The following FBXL17 variants were observed in gnomAD, a reference collection of about 807,000 sequenced individuals.
FBXL17 encodes the protein F-box/LRR-repeat protein 17.
A neutral mutation model predicts 66.2 loss-of-function variants in FBXL17; 22 were observed. The observed-to-expected ratio is 0.33, with a 90% CI of 0.24 to 0.47. The LOEUF is 0.47. Among genes scored for constraint, FBXL17 ranks in the 20% least tolerant of loss-of-function variants. The pLI, the probability that FBXL17 is intolerant of heterozygous loss-of-function variation, is 1.00. For synonymous variants in FBXL17, 474 were observed against 400.5 expected (o/e 1.18, Z -2.19); for missense variants, 878 against 948.2 (o/e 0.93, Z 0.97).
chr5:108,247,705 T>C (rs1461659630), intron 4 of FBXL17, among the ~76,000 whole-genome samples: 1 of 152,204 alleles, frequency 6.6e-6, no homozygotes, highest in Non-Finnish European at 1.5e-5. Context: ...TTTTTACTCA[T>C]AGCATTTAAA....
At chr5:108,195,928 A>G (rs998366370) in intron 5 of FBXL17, among the ~76,000 whole-genome samples, 3 of 152,172 alleles carry the variant, frequency 2.0e-5, no homozygotes, top group African/African-American at 4.8e-5. Flanking sequence ...CAGGCAGAAA[A>G]GATAGTTTTG....
intron 7 of FBXL17, among the ~76,000 whole-genome samples, chr5:107,928,015 G>A (rs1750590294): frequency 6.6e-6 from 1 of 152,046 alleles, no homozygotes; most frequent in Non-Finnish European, 1.5e-5. Flanking sequence ...CTGAAAACCT[G>A]TTTAAAATAT....
At chr5:107,996,293 T>G in intron 7 of FBXL17, among the ~76,000 whole-genome samples, 1 of 152,184 alleles carries the variant, frequency 6.6e-6, no homozygotes, top group Non-Finnish European at 1.5e-5. Flanking sequence ...TGTCTTTCTC[T>G]GAATTCCTAT....
At chr5:108,242,403 G>A (rs1342043844) in intron 4 of FBXL17, among the ~76,000 whole-genome samples, 1 of 149,264 alleles carries the variant, frequency 6.7e-6, no homozygotes, top group Non-Finnish European at 1.5e-5. Flanking sequence ...TGTTGTCATT[G>A]TAGGGATGAG....
At chr5:108,126,684 T>TATATACAC (rs1313924066) in intron 6 of FBXL17, among the ~76,000 whole-genome samples, 1 of 135,544 alleles carries the variant, frequency 7.4e-6, no homozygotes, top group Non-Finnish European at 1.6e-5. Context: ...TATATATATA[T>TATATACAC]ACACACATAC....
intron 6 of FBXL17, among the ~76,000 whole-genome samples, chr5:108,059,817 C>T (rs2112841816): frequency 6.6e-6 from 1 of 152,024 alleles, no homozygotes; most frequent in South Asian, 2.1e-4. Flanking sequence ...TTACAACACT[C>T]GGGAGTATTT....
chr5:108,179,410 T>C (rs771853208), intron 6 of FBXL17, among the ~76,000 whole-genome samples: 6 of 151,944 alleles, frequency 3.9e-5, no homozygotes, highest in African/African-American at 1.2e-4. Context: ...CACCTCAATA[T>C]ACCTAAAAAA....
chr5:108,308,088 C>T (rs551376189), intron 4 of FBXL17, among the ~76,000 whole-genome samples: 1 of 152,024 alleles, frequency 6.6e-6, no homozygotes, highest in Non-Finnish European at 1.5e-5. Flanking sequence ...GACCTTGTCC[C>T]CATTTTTACC....
At chr5:108,071,554 C>T (rs1462414509) in intron 6 of FBXL17, among the ~76,000 whole-genome samples, 1 of 152,140 alleles carries the variant, frequency 6.6e-6, no homozygotes, top group Non-Finnish European at 1.5e-5. Context: ...CCCCTGCTGT[C>T]CCCTTTCCCA....
intron 7 of FBXL17, among the ~76,000 whole-genome samples, chr5:107,998,289 T>C (rs1345722620): frequency 6.6e-6 from 1 of 152,226 alleles, no homozygotes; most frequent in East Asian, 1.9e-4. Context: ...TCCATTAAAT[T>C]TCCATTGGAC....
intron 7 of FBXL17, among the ~76,000 whole-genome samples, chr5:107,919,003 G>C (rs1750223556): frequency 6.6e-6 from 1 of 152,116 alleles, no homozygotes; most frequent in Non-Finnish European, 1.5e-5. Flanking sequence ...TGGGTGTCTG[G>C]CAAATAAATT....
chr5:108,070,239 A>C (rs1220010537), intron 6 of FBXL17, among the ~76,000 whole-genome samples: 1 of 152,218 alleles, frequency 6.6e-6, no homozygotes, highest in Non-Finnish European at 1.5e-5. Context: ...TAAGGCTCTG[A>C]TCAGGTTAAT....
At chr5:108,135,524 TAGTGA>T (rs1429279687) in intron 6 of FBXL17, among the ~76,000 whole-genome samples, 1 of 152,162 alleles carries the variant, frequency 6.6e-6, no homozygotes, top group East Asian at 1.9e-4. Context: ...CACTTATCTG[TAGTGA>T]AGTGAACAAA....
At chr5:108,140,832 CTT>C (rs879707124) in intron 6 of FBXL17, among the ~76,000 whole-genome samples, 7 of 145,656 alleles carry the variant, frequency 4.8e-5, no homozygotes, top group Admixed American at 6.8e-5. Context: ...TTCAGCCATT[CTT>C]TTTTTTTTTT....
chr5:107,951,098 A>G (rs945009195), intron 7 of FBXL17, among the ~76,000 whole-genome samples: 2 of 152,190 alleles, frequency 1.3e-5, no homozygotes, highest in East Asian at 1.9e-4. Flanking sequence ...TGCCATTGTC[A>G]TAATGGACTG....
At chr5:107,989,777 T>C (rs1252331049) in intron 7 of FBXL17, among the ~76,000 whole-genome samples, 1 of 152,100 alleles carries the variant, frequency 6.6e-6, no homozygotes, top group Non-Finnish European at 1.5e-5. Context: ...CATCAGAACA[T>C]CTAAATAAGG....
chr5:107,998,978 T>G (rs998740332), intron 7 of FBXL17, among the ~76,000 whole-genome samples: 5 of 152,332 alleles, frequency 3.3e-5, no homozygotes, highest in Non-Finnish European at 7.3e-5. Context: ...GCGAATACCA[T>G]GCCCTTCCCA....
At position 107,861,912 on chromosome 5, in the gene FBXL17, C is replaced by T. The variant is rs147233004; in HGVS notation, c.1966-52G>A. On this transcript the variant is annotated intron_variant, in intron 8 of 8. Transcript: ENST00000542267. ...CGCACAGAGACCACCAACACCACGCCGCTGCCCACGCTCACTGATGTGCTG... is the reference window on the plus strand; with the variant it reads ...CGCACAGAGACCACCAACACCACGCTGCTGCCCACGCTCACTGATGTGCTG... The T allele has an allele frequency of 2.2e-4, 307 of 1,409,814 alleles. 1 individual carries two copies. The African/African-American group carries it at 3.3e-3, about 15-fold the overall frequency. 87.3% of individuals were successfully genotyped at this position (1,409,814 alleles called of 1,614,324 possible).
At chr5:108,346,566 A>G (rs1275216632) in intron 4 of FBXL17, among the ~76,000 whole-genome samples, 1 of 152,158 alleles carries the variant, frequency 6.6e-6, no homozygotes, top group Non-Finnish European at 1.5e-5. Context: ...CTTGAGAAAC[A>G]GAAAACTTCT....
Sources: gnomAD v4.1 joint callset for allele counts (sites outside exome capture counted in the v4.1 genomes callset) on GRCh38, gnomAD v4.1.1 for gene constraint, MANE v1.5 for transcripts, NCBI Gene and HGNC (gene_info 2026-07-23, HGNC 2026-07-21) for gene names.